Variants in EPM2A observed in about 807,000 individuals in gnomAD.
EPM2A encodes EPM2A glucan phosphatase, laforin.
In EPM2A, 21 loss-of-function variants were observed where a neutral mutation model predicts 26.5. The observed-to-expected ratio is 0.79, with a 90% CI of 0.56 to 1.14. The LOEUF (loss-of-function observed/expected upper bound fraction) is 1.14, where lower values mean the gene tolerates loss of function less well. Ranked by LOEUF, EPM2A falls within the 50% of genes most tolerant of loss-of-function variation. The pLI is 0.00. For synonymous variants in EPM2A, 217 were observed against 177.6 expected (o/e 1.22, Z -1.76); for missense variants, 458 against 440.8 (o/e 1.04, Z -0.35).
intron 4 of EPM2A, among the ~76,000 whole-genome samples, chr6:145,434,051 T>C (rs1778955286): frequency 1.3e-5 from 2 of 152,046 alleles, no homozygotes; most frequent in Non-Finnish European, 2.9e-5. Flanking sequence ...TACCCTCTTT[T>C]TTTGTGACAG....
At chr6:145,425,725 T>C (rs1778846935) in intron 4 of EPM2A, among the ~76,000 whole-genome samples, 1 of 152,106 alleles carries the variant, frequency 6.6e-6, no homozygotes, top group African/African-American at 2.4e-5. Flanking sequence ...CAGGCTGTGG[T>C]TTGATTCTTC....
chr6:145,414,874 G>A (rs1377907792), intron 4 of EPM2A, among the ~76,000 whole-genome samples: 1 of 152,058 alleles, frequency 6.6e-6, no homozygotes, highest in African/African-American at 2.4e-5. Context: ...TTATTATTTA[G>A]TGTCTTATTC....
At chr6:145,700,923 T>C (rs968893418) in intron 1 of EPM2A, among the ~76,000 whole-genome samples, 1 of 152,154 alleles carries the variant, frequency 6.6e-6, no homozygotes, top group African/African-American at 2.4e-5. Context: ...CTTTCTTCCA[T>C]GGCAAAAATA....
intron 4 of EPM2A, among the ~76,000 whole-genome samples, chr6:145,402,786 AG>A (rs1022876314): frequency 6.6e-6 from 1 of 152,198 alleles, no homozygotes; most frequent in African/African-American, 2.4e-5. Flanking sequence ...GTTTGAACTT[AG>A]GTCAAAATAT....
chr6:145,676,798 A>G (rs982986766), intron 2 of EPM2A, among the ~76,000 whole-genome samples: 2 of 152,202 alleles, frequency 1.3e-5, no homozygotes, highest in African/African-American at 4.8e-5. Context: ...TAGCATACCA[A>G]CCAAAAAATA....
chr6:145,735,071 A>G, intron 1 of EPM2A, 127 bp downstream of exon 1: 2 of 549,578 alleles, frequency 3.6e-6, no homozygotes, highest in East Asian at 4.0e-5. Context: ...GTGCGCAGGG[A>G]CGCGGGCAAA....
intron 4 of EPM2A, among the ~76,000 whole-genome samples, chr6:145,410,222 A>G (rs1441629574): frequency 6.6e-6 from 1 of 152,226 alleles, no homozygotes; most frequent in African/African-American, 2.4e-5. Context: ...CTGAAGTGGC[A>G]CTAGATTTGA....
At chr6:145,733,836 A>G (rs1776642819) in intron 1 of EPM2A, among the ~76,000 whole-genome samples, 1 of 152,174 alleles carries the variant, frequency 6.6e-6, no homozygotes, top group Admixed American at 6.6e-5. Context: ...TTGTTTCTAC[A>G]TCATTACAGG....
chr6:145,624,703 T>C (rs922482139), downstream of EPM2A, among the ~76,000 whole-genome samples: 1 of 152,224 alleles, frequency 6.6e-6, no homozygotes, highest in African/African-American at 2.4e-5. Flanking sequence ...TGATTTTTCA[T>C]GTGTGGCAAG....
chr6:145,480,733 G>C (rs765960585), intron 4 of EPM2A, among the ~76,000 whole-genome samples: 3 of 151,910 alleles, frequency 2.0e-5, no homozygotes, highest in Non-Finnish European at 4.4e-5. Context: ...GACAATATTT[G>C]ATAGCTTATT....
chr6:145,618,644 T>G (rs1775565685), intron 2 of EPM2A, among the ~76,000 whole-genome samples: 1 of 152,220 alleles, frequency 6.6e-6, no homozygotes, highest in Non-Finnish European at 1.5e-5. Context: ...TGGTGTTTGC[T>G]TCTCCTTCTG....
At chr6:145,506,291 C>T (rs1295346747) in intron 2 of EPM2A, among the ~76,000 whole-genome samples, 1 of 152,134 alleles carries the variant, frequency 6.6e-6, no homozygotes, top group African/African-American at 2.4e-5. Context: ...TATTACATAA[C>T]CTTTGCAAAG....
intron 4 of EPM2A, chr6:145,490,076 G>T: frequency 7.8e-7 from 1 of 1,289,286 alleles, no homozygotes; most frequent in Non-Finnish European, 1.1e-6. Flanking sequence ...CTGAAGCAAT[G>T]GTAGCACACG....
chr6:145,679,986 A>G (rs1780381338), intron 2 of EPM2A: 1 of 152,222 alleles, frequency 6.6e-6, no homozygotes, highest in Non-Finnish European at 1.5e-5. Flanking sequence ...AGAAGAAAAG[A>G]GAGCTAGATA....
chr6:145,398,773 T>A (rs1163404427), intron 4 of EPM2A, among the ~76,000 whole-genome samples: 1 of 150,228 alleles, frequency 6.7e-6, no homozygotes, highest in Non-Finnish European at 1.5e-5. Context: ...GGCGGGAGAA[T>A]CACTTTAACC....
At chr6:145,681,334 C>T (rs1469619033) in intron 2 of EPM2A, among the ~76,000 whole-genome samples, 1 of 151,292 alleles carries the variant, frequency 6.6e-6, no homozygotes, top group Non-Finnish European at 1.5e-5. Context: ...TTCTCCCATT[C>T]TGTAGGTTGC....
intron 4 of EPM2A, among the ~76,000 whole-genome samples, chr6:145,385,699 AC>A (rs1371802026): frequency 9.2e-5 from 14 of 152,090 alleles, no homozygotes; most frequent in Non-Finnish European, 1.6e-4. Context: ...GTCTTAAAAA[AC>A]CTTCATCGTA....
chr6:145,500,804 G>C (rs1779879062), downstream of EPM2A, among the ~76,000 whole-genome samples: 1 of 147,650 alleles, frequency 6.8e-6, no homozygotes, highest in Non-Finnish European at 1.5e-5. Flanking sequence ...TGTAGATCTG[G>C]AAATTGTCTT....
At chr6:145,594,198 C>T (rs1038168361) in intron 2 of EPM2A, among the ~76,000 whole-genome samples, 28 of 151,624 alleles carry the variant, frequency 1.8e-4, no homozygotes, top group Non-Finnish European at 4.0e-4. Flanking sequence ...ACATAAAATA[C>T]CAAAGCTCAC....
Sources: allele counts gnomAD v4.1 joint callset (sites outside exome capture counted in the v4.1 genomes callset), GRCh38; gene constraint gnomAD v4.1.1; transcripts MANE v1.5; gene names NCBI Gene and HGNC (gene_info 2026-07-23, HGNC 2026-07-21).